Variants in SEMA6A observed in about 807,000 individuals in gnomAD.
SEMA6A encodes the protein semaphorin 6A.
A neutral mutation model predicts 96.8 loss-of-function variants in SEMA6A; 25 were observed. The ratio of observed to expected loss-of-function variants is 0.26; its 90% CI spans 0.19 to 0.36. The LOEUF is 0.36. Among genes scored for constraint, SEMA6A ranks in the 10% least tolerant of loss-of-function variants. The probability of loss-of-function intolerance (pLI) is 1.00; values close to 1 mark genes in which losing one functional copy is unlikely to be tolerated. For missense variants in SEMA6A, 1,363 were observed against 1,323.1 expected (o/e 1.03, Z -0.47); for synonymous variants, 612 against 518.0 (o/e 1.18, Z -2.46).
intron 18 of SEMA6A, among the ~76,000 whole-genome samples, chr5:116,454,798 GTGTGTGTGTGTGCA>G (rs1198035370): frequency 1.3e-5 from 2 of 150,432 alleles, no homozygotes; most frequent in African/African-American, 4.9e-5. Context: ...AAGTGTGTGT[GTGTGTGTGTGTGCA>G]TGTGTGTGTG....
At chr5:116,476,397 G>A (rs1756449241) in intron 15 of SEMA6A, among the ~76,000 whole-genome samples, 1 of 152,146 alleles carries the variant, frequency 6.6e-6, no homozygotes, top group Non-Finnish European at 1.5e-5. Flanking sequence ...TTATTTATGA[G>A]CCGTATAGGA....
At chr5:116,527,070 T>C (rs1759260567) in intron 1 of SEMA6A, among the ~76,000 whole-genome samples, 1 of 152,122 alleles carries the variant, frequency 6.6e-6, no homozygotes, top group South Asian at 2.1e-4. Flanking sequence ...ATATGGACAA[T>C]GAAATAAGAA....
At chr5:116,572,452 G>A (rs1317009484) in intron 1 of SEMA6A, among the ~76,000 whole-genome samples, 1 of 152,228 alleles carries the variant, frequency 6.6e-6, no homozygotes. Flanking sequence ...TGCCCCGGCT[G>A]TGAAGACAGC....
intron 3 of SEMA6A, among the ~76,000 whole-genome samples, chr5:116,500,696 G>T (rs531611832): frequency 2.6e-5 from 4 of 152,008 alleles, no homozygotes; most frequent in African/African-American, 9.6e-5. Flanking sequence ...CTTTCCTTAT[G>T]CCAGATAGAA....
intron 1 of SEMA6A, among the ~76,000 whole-genome samples, chr5:116,565,302 G>A (rs1338189211): frequency 6.6e-6 from 1 of 152,158 alleles, no homozygotes; most frequent in Non-Finnish European, 1.5e-5. Flanking sequence ...GAGCACAACT[G>A]TCAAAATAAC....
intron 1 of SEMA6A, among the ~76,000 whole-genome samples, chr5:116,520,237 C>T (rs1040024699): frequency 6.6e-6 from 1 of 151,132 alleles, no homozygotes; most frequent in Admixed American, 6.6e-5. Context: ...TTCCCTGAGC[C>T]CCCAAAGCAG....
chr5:116,511,416 G>A (rs1184252406), intron 1 of SEMA6A, among the ~76,000 whole-genome samples: 1 of 152,160 alleles, frequency 6.6e-6, no homozygotes, highest in Non-Finnish European at 1.5e-5. Context: ...TTACAGCACA[G>A]TAGTCAAAGG....
chr5:116,541,142 T>C (rs1759944531), intron 1 of SEMA6A, among the ~76,000 whole-genome samples: 2 of 152,072 alleles, frequency 1.3e-5, no homozygotes, highest in Non-Finnish European at 2.9e-5. Context: ...TGATGGGTGT[T>C]GGGGTGGAGG....
In SEMA6A at chr5:116,495,351, A is replaced by C. The variant is rs146872221; in HGVS notation, c.444+62T>G. ...ACCCCTCTTAGGTTGCTGCAGGTAC[A>C]ATCACAGTAAATTATGAAATGCCTC... On this transcript the variant is annotated intron_variant, in intron 6 of 18. Transcript: ENST00000343348. The C allele has an allele frequency of 0.015, 19,050 of 1,234,814 alleles. 218 individuals carry two copies. The highest frequency in any genetic ancestry group is 0.048 in the Middle Eastern group (254 of 5,340). The allele number at this position is 1,234,814 out of a possible 1,614,324, so 76.5% of individuals were successfully genotyped here.
Position 116,447,251 on chromosome 5 carries a change from G to A in SEMA6A, c.2455C>T (p.Pro819Ser), listed in dbSNP as rs201027313. ...PSHIPSVVVL[P>S]ITQQGYQHEY... Reference sequence around the variant, plus strand: ...TGCTGGTAGCCCTGCTGCGTGATGGGCAGGACCACCACGCTGGGGATGTGG... The same window carrying A: ...TGCTGGTAGCCCTGCTGCGTGATGGACAGGACCACCACGCTGGGGATGTGG... The change falls in exon 19 of 19, where the codon CCC (proline) becomes TCC (serine). Residue 819 changes from proline (P) to serine (S), a missense_variant. By Grantham distance (74) the Pro-to-Ser change is moderately conservative. Coordinates refer to ENST00000343348, the MANE Select transcript of SEMA6A (RefSeq NM_020796.5). The A allele has an allele frequency of 4.0e-4, 652 of 1,613,844 alleles. No homozygotes were observed. The highest frequency in any genetic ancestry group is 5.2e-4 in the Non-Finnish European group (616 of 1,179,906).
chr5:116,551,731 T>G (rs1760420140), intron 1 of SEMA6A, among the ~76,000 whole-genome samples: 1 of 152,196 alleles, frequency 6.6e-6, no homozygotes, highest in Non-Finnish European at 1.5e-5. Flanking sequence ...AGTTTTGACC[T>G]GATTGTTAAG....
chr5:116,568,880 T>C (rs1451705316), intron 1 of SEMA6A, among the ~76,000 whole-genome samples: 1 of 152,134 alleles, frequency 6.6e-6, no homozygotes, highest in Non-Finnish European at 1.5e-5. Flanking sequence ...CACACATGCA[T>C]GCATGAAGTA....
chr5:116,547,679 G>T (rs1760237452), intron 1 of SEMA6A, among the ~76,000 whole-genome samples: 2 of 141,658 alleles, frequency 1.4e-5, no homozygotes, highest in Admixed American at 1.5e-4. Context: ...TAATGTCTTT[G>T]GATCTAAACC....
chr5:116,539,164 C>T (rs1261682174), intron 1 of SEMA6A, among the ~76,000 whole-genome samples: 1 of 152,172 alleles, frequency 6.6e-6, no homozygotes, highest in Non-Finnish European at 1.5e-5. Context: ...ATATTTATTT[C>T]TTTGGCCCTA....
chr5:116,513,033 A>G (rs187260325), intron 1 of SEMA6A, among the ~76,000 whole-genome samples: 3 of 152,166 alleles, frequency 2.0e-5, no homozygotes, highest in Non-Finnish European at 2.9e-5. Context: ...GTAGGTGTAT[A>G]TATTTACGGG....
intron 18 of SEMA6A, among the ~76,000 whole-genome samples, chr5:116,462,779 T>A (rs1755493292): frequency 6.6e-6 from 1 of 152,198 alleles, no homozygotes. Context: ...TAATCTTCCC[T>A]GGACTCCTTC....
In SEMA6A at chr5:116,482,449, C is replaced by G; in HGVS notation, c.1089G>C (p.Lys363Asn). ...ATATGAATATTTGCACATACCTGGGCTTAGGAACTCGTTCATCAGGAACTG... is the reference window on the plus strand; with the variant it reads ...ATATGAATATTTGCACATACCTGGGGTTAGGAACTCGTTCATCAGGAACTG... ...WTPVPDERVP[K>N]PRPGCCAGSS... The change falls in exon 11 of 19, where the codon AAG becomes AAC. Residue 363 changes from lysine (K) to asparagine (N), a missense_variant. By Grantham distance (94) the Lys-to-Asn change is moderately conservative (BLOSUM62 0). This residue lies in a region of SEMA6A where 480 missense variants were observed against 559.5 expected (regional missense o/e 0.86). Transcript: ENST00000343348. 6.2e-7 allele frequency: 1 copy of G among 1,612,972 alleles called. No individual in the cohort carries two copies.
chr5:116,482,350 G>A, intron 11 of SEMA6A, 94 bp downstream of exon 11: 1 of 1,337,290 alleles, frequency 7.5e-7, no homozygotes, highest in Non-Finnish European at 1.0e-6. Context: ...GGCATGGAAG[G>A]CACTGGTGCG....
chr5:116,469,775 T>G (rs1331850682), intron 17 of SEMA6A, among the ~76,000 whole-genome samples: 2 of 152,204 alleles, frequency 1.3e-5, no homozygotes, highest in Non-Finnish European at 2.9e-5. Context: ...GTAGAAAGAT[T>G]TCCTGGCCCA....
Sources: gnomAD v4.1 joint callset for allele counts (sites outside exome capture counted in the v4.1 genomes callset) on GRCh38, gnomAD v4.1.1 for gene constraint, gnomAD v4.1.1 regional missense constraint, MANE v1.5 for transcripts, NCBI Gene and HGNC (gene_info 2026-07-23, HGNC 2026-07-21) for gene names.